Variants in AFF3 observed in about 807,000 individuals in gnomAD.
AFF3 encodes ALF transcription elongation factor 3.
Under a neutral mutation model 129.7 loss-of-function variants are expected in AFF3, and 32 were observed. The observed-to-expected ratio is 0.25, with a 90% CI of 0.19 to 0.33. The LOEUF is 0.33. AFF3 is among the 10% of genes least tolerant of loss of function. The pLI is 1.00. For synonymous variants in AFF3, 644 were observed against 635.4 expected (o/e 1.01, Z -0.20); for missense variants, 1,373 against 1,592.0 (o/e 0.86, Z 2.34).
intron 4 of AFF3, among the ~76,000 whole-genome samples, chr2:100,082,458 T>C (rs1415288485): frequency 6.6e-6 from 1 of 151,898 alleles, no homozygotes; most frequent in East Asian, 1.9e-4. Context: ...CTTAAGTAAA[T>C]GTCCCAACAT....
intron 4 of AFF3, among the ~76,000 whole-genome samples, chr2:100,058,607 A>G (rs1342160155): frequency 6.6e-6 from 1 of 152,134 alleles, no homozygotes; most frequent in African/African-American, 2.4e-5. Context: ...TACACACTGT[A>G]TAGCCTCTAC....
intron 8 of AFF3, among the ~76,000 whole-genome samples, chr2:99,799,577 T>C (rs957185188): frequency 6.6e-6 from 1 of 152,084 alleles, no homozygotes; most frequent in Admixed American, 6.5e-5. Context: ...GCAATCATAA[T>C]AAAAATCCTA....
At chr2:100,010,063 G>A (rs1682371771) in intron 4 of AFF3, among the ~76,000 whole-genome samples, 1 of 152,192 alleles carries the variant, frequency 6.6e-6, no homozygotes, top group African/African-American at 2.4e-5. Context: ...GGATGGAAAA[G>A]CCACTCGGTC....
In AFF3 at chr2:99,601,461, T is replaced by C; in HGVS notation, c.1345A>G (p.Lys449Glu). ...TCGGGGCTGGAGAAGTGGGGGGGCT[T>C]GCTGCCCTCACTCTCGCTGGAGCTG... The part of the protein sequence containing the change: ...ESSSSESEGS[K>E]PPHFSSPEAE... Residue 449 changes from lysine to glutamate, a missense_variant, in exon 14 of 25, where the codon AAG (lysine) becomes GAG (glutamate). Physicochemically the swap from Lys to Glu is moderately conservative, Grantham distance 56. Around this residue, in one of 9 missense-constraint regions of AFF3, gnomAD observed 413 missense variants for 424.4 expected, o/e 0.97. Transcript: ENST00000672756. 1 of 1,608,986 alleles carries C rather than the reference T, an allele frequency of 6.2e-7. No homozygotes were observed. Among genetic ancestry groups the C allele is most frequent in the Non-Finnish European group, 8.5e-7 (1 of 1,177,340 alleles).
rs1487654483 is a variant in AFF3 at position 99,749,617 on chromosome 2, T to G, written c.1002+2604A>C. On this transcript the variant is annotated intron_variant, in intron 9 of 24. Coordinates refer to ENST00000672756, the MANE Select transcript of AFF3 (RefSeq NM_001386135.1). ...GCAGGGTGCCACTGGAAGTACACAC[T>G]GAATAAACTGTTCAGTTAAATTCCC... Among the ~76,000 whole-genome samples the G allele has an allele frequency of 2.0e-5, 3 of 152,206 alleles. No individual in the cohort carries two copies. In the East Asian group the frequency reaches 5.8e-4, roughly 29 times the overall value.
intron 20 of AFF3, among the ~76,000 whole-genome samples, chr2:99,561,098 T>C (rs1317648288): frequency 6.6e-6 from 1 of 152,210 alleles, no homozygotes; most frequent in East Asian, 1.9e-4. Flanking sequence ...GTATGTGTAA[T>C]GATCAGATTG....
chr2:99,768,378 A>G (rs922781243), intron 8 of AFF3, among the ~76,000 whole-genome samples: 3 of 152,188 alleles, frequency 2.0e-5, no homozygotes, highest in Non-Finnish European at 2.9e-5. Context: ...GATTATATTA[A>G]TATATGTATA....
At chr2:100,136,841 T>C (rs1692658608) in intron 1 of AFF3, among the ~76,000 whole-genome samples, 1 of 152,146 alleles carries the variant, frequency 6.6e-6, no homozygotes, top group African/African-American at 2.4e-5. Context: ...TGATATTGAG[T>C]TTTCTATGTG....
rs1674344815 is a variant in AFF3 at position 99,550,692 on chromosome 2, T to C, written c.*782A>G. On this transcript the variant is annotated 3_prime_UTR_variant, in exon 25 of 25. Transcript: ENST00000672756. Reference sequence around the variant, plus strand: ...ACACACAGGCACTGCTACCTTAGTGTCTGTTAACTTTCAAAGACGCCGCGT... The same window carrying C: ...ACACACAGGCACTGCTACCTTAGTGCCTGTTAACTTTCAAAGACGCCGCGT... The C allele has an allele frequency of 4.3e-6, 1 of 232,732 alleles. No homozygotes were observed. The highest frequency in any genetic ancestry group is 2.2e-5 in the African/African-American group (1 of 45,310). 14.4% of individuals were successfully genotyped at this position (232,732 alleles called of 1,614,324 possible). A position where few individuals can be genotyped will look rare whatever the true frequency, so the allele number is the denominator to read the frequency against.
At chr2:99,818,101 A>C (rs1297514224) in intron 8 of AFF3, among the ~76,000 whole-genome samples, 1 of 152,160 alleles carries the variant, frequency 6.6e-6, no homozygotes, top group Non-Finnish European at 1.5e-5. Flanking sequence ...CCAAATTCCA[A>C]ATTTCAAAAT....
rs377499109 is a variant in AFF3 at position 99,869,476 on chromosome 2, C to T, written c.874-31952G>A. Among the ~76,000 whole-genome samples, 13 of 152,150 alleles carry T rather than the reference C, an allele frequency of 8.5e-5. No individual in the cohort carries two copies. In the East Asian group the frequency reaches 1.2e-3, roughly 14 times the overall value. On this transcript the variant is annotated intron_variant, in intron 7 of 24. Coordinates refer to ENST00000672756, the MANE Select transcript of AFF3 (RefSeq NM_001386135.1). ...AATCTAAGATGATTTGATAGGCTCG[C>T]TACTGCATAGAACCCCATCATTTAA... is the stretch of plus-strand genomic sequence containing the variant.
chr2:99,911,391 A>G (rs565070245), intron 7 of AFF3, among the ~76,000 whole-genome samples: 64 of 141,130 alleles, frequency 4.5e-4, no homozygotes, highest in African/African-American at 1.7e-3. Flanking sequence ...TCATCTCTGG[A>G]AAAAAAAAAA....
At chr2:99,769,526 C>T (rs185702373) in intron 8 of AFF3, among the ~76,000 whole-genome samples, 2 of 152,252 alleles carry the variant, frequency 1.3e-5, no homozygotes, top group Admixed American at 1.3e-4. Flanking sequence ...TTTGGTGAGG[C>T]TGTTTTCCTG....
chr2:100,099,497 A>G (rs1020831381), intron 4 of AFF3, among the ~76,000 whole-genome samples: 3 of 151,850 alleles, frequency 2.0e-5, no homozygotes, highest in African/African-American at 7.3e-5. Context: ...CAAGATCCAC[A>G]CTTTATTCCC....
chr2:100,121,667 G>T (rs1691972346), intron 2 of AFF3, among the ~76,000 whole-genome samples: 1 of 152,198 alleles, frequency 6.6e-6, no homozygotes, highest in Non-Finnish European at 1.5e-5. Context: ...AGGCACCTGG[G>T]GTGAGGAAGA....
At chr2:99,668,850 C>T (rs1364421220) in intron 12 of AFF3, among the ~76,000 whole-genome samples, 2 of 152,220 alleles carry the variant, frequency 1.3e-5, no homozygotes, top group African/African-American at 4.8e-5. Context: ...GCCTGAGCCA[C>T]TGTGGCCGAC....
chr2:100,069,976 G>A (rs772367397), intron 4 of AFF3, among the ~76,000 whole-genome samples: 7 of 152,120 alleles, frequency 4.6e-5, no homozygotes, highest in Non-Finnish European at 2.9e-5. Context: ...TTAAAATCCT[G>A]CAAGGTATTG....
At chr2:99,581,121 T>A (rs953489599) in intron 17 of AFF3, among the ~76,000 whole-genome samples, 1 of 152,226 alleles carries the variant, frequency 6.6e-6, no homozygotes, top group Non-Finnish European at 1.5e-5. Context: ...TTATTGCATC[T>A]CTGGTGCTCA....
At chr2:99,815,916 A>T (rs1687195644) in intron 8 of AFF3, among the ~76,000 whole-genome samples, 1 of 151,376 alleles carries the variant, frequency 6.6e-6, no homozygotes, top group South Asian at 2.1e-4. Flanking sequence ...GGTGTCTGTC[A>T]CTAATTTTGG....
Sources: allele counts gnomAD v4.1 joint callset (sites outside exome capture counted in the v4.1 genomes callset), GRCh38; gene constraint gnomAD v4.1.1; regional missense constraint gnomAD v4.1.1; transcripts MANE v1.5; gene names NCBI Gene and HGNC (gene_info 2026-07-23, HGNC 2026-07-21).